The following PRKCA variants were observed in gnomAD, a reference collection of about 807,000 sequenced individuals.
PRKCA encodes protein kinase C alpha, also known as protein kinase C alpha type.
In PRKCA, 27 loss-of-function variants were observed where a neutral mutation model predicts 87.0. That is an observed-to-expected ratio of 0.31 (90% CI 0.23 to 0.43). The LOEUF (loss-of-function observed/expected upper bound fraction) is 0.43, where lower values mean the gene tolerates loss of function less well. Ranked by LOEUF, PRKCA falls within the 20% of genes least tolerant of loss-of-function variation. The probability of loss-of-function intolerance (pLI) is 1.00; values close to 1 mark genes in which losing one functional copy is unlikely to be tolerated. For synonymous variants in PRKCA, 329 were observed against 311.1 expected, an observed-to-expected ratio of 1.06 and a Z score of -0.61; for missense variants, 518 against 852.3, an observed-to-expected ratio of 0.61 and a Z score of 4.88.
At chr17:66,783,090 C>T (rs551916033) in intron 14 of PRKCA, among the ~76,000 whole-genome samples, 64 of 152,326 alleles carry the variant, frequency 4.2e-4, no homozygotes, top group African/African-American at 1.5e-3. Flanking sequence ...GACATGTCCC[C>T]TCCCTGACAT....
At chr17:66,690,074 G>A (rs1972738520) in intron 8 of PRKCA, among the ~76,000 whole-genome samples, 1 of 151,996 alleles carries the variant, frequency 6.6e-6, no homozygotes, top group South Asian at 2.1e-4. Flanking sequence ...GAGTGGTCTT[G>A]GGGGGATAAT....
intron 2 of PRKCA, among the ~76,000 whole-genome samples, chr17:66,434,520 C>G (rs183791948): frequency 6.6e-6 from 1 of 152,206 alleles, no homozygotes; most frequent in Non-Finnish European, 1.5e-5. Context: ...TTCCAGCCAC[C>G]GCTGCTGGAG....
At chr17:66,458,987 A>C (rs957967932) in intron 2 of PRKCA, among the ~76,000 whole-genome samples, 1 of 152,164 alleles carries the variant, frequency 6.6e-6, no homozygotes, top group Non-Finnish European at 1.5e-5. Context: ...TGAGGGAGGT[A>C]AAGTAACTTG....
intron 2 of PRKCA, among the ~76,000 whole-genome samples, chr17:66,350,945 C>T (rs1174687057): frequency 1.3e-5 from 2 of 152,090 alleles, no homozygotes; most frequent in Non-Finnish European, 2.9e-5. Flanking sequence ...GAACTCGCAG[C>T]GTTCTTTCTC....
intron 5 of PRKCA, among the ~76,000 whole-genome samples, chr17:66,671,748 C>T (rs144254590): frequency 3.3e-4 from 50 of 152,270 alleles, no homozygotes; most frequent in African/African-American, 1.1e-3. Flanking sequence ...TGGAGAAAGC[C>T]GAGTCGGGGG....
At chr17:66,755,498 G>A (rs1341704053) in intron 13 of PRKCA, among the ~76,000 whole-genome samples, 4 of 152,112 alleles carry the variant, frequency 2.6e-5, no homozygotes, top group South Asian at 2.1e-4. Flanking sequence ...CATTATTTGC[G>A]GGCGAGACAC....
chr17:66,769,279 C>T (rs1229016474), intron 13 of PRKCA, among the ~76,000 whole-genome samples: 1 of 151,868 alleles, frequency 6.6e-6, no homozygotes, highest in Non-Finnish European at 1.5e-5. Flanking sequence ...ATTGCTTGAG[C>T]CCAGGAGTTG....
chr17:66,322,696 G>A (rs897128646), intron 2 of PRKCA, among the ~76,000 whole-genome samples: 3 of 147,514 alleles, frequency 2.0e-5, no homozygotes, highest in African/African-American at 7.6e-5. Context: ...TTGGCCTCCA[G>A]CTCCTGACCT....
chr17:66,472,992 C>T (rs1342079030), intron 2 of PRKCA, among the ~76,000 whole-genome samples: 1 of 152,114 alleles, frequency 6.6e-6, no homozygotes, highest in Non-Finnish European at 1.5e-5. Flanking sequence ...AGAGCATCAT[C>T]GTAACTGTAG....
At chr17:66,786,304 G>A (rs77210355) in intron 14 of PRKCA, among the ~76,000 whole-genome samples, 17,284 of 152,194 alleles carry the variant, frequency 0.11, 1,371 homozygotes, top group African/African-American at 0.22. Flanking sequence ...GCGGATGAGG[G>A]AGGAGTCCAA....
intron 3 of PRKCA, among the ~76,000 whole-genome samples, chr17:66,585,240 T>C (rs964197637): frequency 1.3e-5 from 2 of 152,170 alleles, no homozygotes; most frequent in Admixed American, 6.5e-5. Context: ...CCATGTTGCC[T>C]GCTTCTTTAT....
intron 3 of PRKCA, among the ~76,000 whole-genome samples, chr17:66,532,905 A>G (rs1352766576): frequency 6.6e-6 from 1 of 152,200 alleles, no homozygotes; most frequent in Admixed American, 6.5e-5. Flanking sequence ...TAGTTTGCAC[A>G]CACAGCATCC....
chr17:66,533,387 C>T, intron 3 of PRKCA, among the ~76,000 whole-genome samples: 1 of 152,216 alleles, frequency 6.6e-6, no homozygotes, highest in Non-Finnish European at 1.5e-5. Context: ...CCCTGTTTTA[C>T]TGCATCCCTT....
chr17:66,714,732 A>G lies in PRKCA; in HGVS notation c.919-17956A>G, dbSNP rs779916714. ...TGACCCATTTTACAGATGAAGAAACAGGCCTCAGAGAAGTGTGCAGTGCCT... is the reference window on the plus strand; with the variant it reads ...TGACCCATTTTACAGATGAAGAAACGGGCCTCAGAGAAGTGTGCAGTGCCT... On this transcript the variant is annotated intron_variant, in intron 8 of 16. Coordinates refer to ENST00000413366, the MANE Select transcript of PRKCA (RefSeq NM_002737.3). 5.9e-5 allele frequency among the ~76,000 whole-genome samples: 9 copies of G among 152,312 alleles called. No homozygotes were observed. The South Asian group carries it at 1.7e-3, about 28-fold the overall frequency.
At chr17:66,342,621 A>G (rs1907113292) in intron 2 of PRKCA, among the ~76,000 whole-genome samples, 1 of 152,032 alleles carries the variant, frequency 6.6e-6, no homozygotes, top group Non-Finnish European at 1.5e-5. Flanking sequence ...AACTATAAAA[A>G]TAGTGTAACA....
At chr17:66,745,380 A>C (rs1003093122) in intron 13 of PRKCA, among the ~76,000 whole-genome samples, 3 of 152,230 alleles carry the variant, frequency 2.0e-5, no homozygotes, top group African/African-American at 7.2e-5. Flanking sequence ...TGTGCCAGGC[A>C]CATGATAAAC....
At chr17:66,666,281 G>T (rs1264758720) in intron 5 of PRKCA, among the ~76,000 whole-genome samples, 9 of 152,294 alleles carry the variant, frequency 5.9e-5, no homozygotes, top group African/African-American at 1.9e-4. Flanking sequence ...ATAAATGTTG[G>T]ATGGCAGCAG....
At chr17:66,372,321 G>A (rs567335843) in intron 2 of PRKCA, among the ~76,000 whole-genome samples, 3 of 152,268 alleles carry the variant, frequency 2.0e-5, no homozygotes, top group South Asian at 2.1e-4. Context: ...CCTACAAGAT[G>A]TGCATGTATT....
Position 66,373,069 on chromosome 17 carries a change from G to A in PRKCA, c.205+66942G>A, listed in dbSNP as rs1440323461. 6.0e-4 allele frequency among the ~76,000 whole-genome samples: 91 copies of A among 151,826 alleles called. 1 individual carries two copies. Among genetic ancestry groups the A allele is most frequent in the Non-Finnish European group, 7.4e-5 (5 of 67,968 alleles). On this transcript the variant is annotated intron_variant, in intron 2 of 16. Coordinates refer to ENST00000413366, the MANE Select transcript of PRKCA (RefSeq NM_002737.3). ...GTGAGACTCCTTCTCAAAAAAGAGG[G>A]GAACAAAGGGAGAGAGATTGATTTA...
Sources: allele counts gnomAD v4.1 joint callset (sites outside exome capture counted in the v4.1 genomes callset), GRCh38; gene constraint gnomAD v4.1.1; transcripts MANE v1.5; gene names NCBI Gene and HGNC (gene_info 2026-07-23, HGNC 2026-07-21).